ELFN2: variants seen among roughly 807,000 people sequenced by gnomAD.
The protein encoded by ELFN2 is protein phosphatase 1 regulatory subunit 29.
In ELFN2, 17 loss-of-function variants were observed where a neutral mutation model predicts 45.5. That is an observed-to-expected ratio of 0.37 (90% confidence interval 0.26 to 0.56). The LOEUF (loss-of-function observed/expected upper bound fraction) is 0.56. Among genes scored for constraint, ELFN2 ranks in the 20% least tolerant of loss-of-function variants. The pLI is 0.77. For missense variants in ELFN2, 922 were observed against 1,183.2 expected (o/e 0.78, Z 3.24); for synonymous variants, 550 against 551.5 (o/e 1.00, Z 0.04).
Position 37,362,379 on chromosome 22 carries a change from C to A in ELFN2, n.149-19676G>T, listed in dbSNP as rs186464756. Among the ~76,000 whole-genome samples the A allele has an allele frequency of 3.0e-3, 453 of 152,332 alleles. 4 individuals are homozygous for A. Among genetic ancestry groups the A allele is most frequent in the Non-Finnish European group, 5.3e-3 (363 of 68,026 alleles). On this transcript the variant is annotated intron_variant and non_coding_transcript_variant, in intron 1 of 2. Coordinates refer to ENST00000452946, the Ensembl canonical transcript of ELFN2. ...GACCACAGGAAGGCTCTCCCCGTTT[C>A]CAACCCTTATTTTGGGGGGCTCATT... is the stretch of plus-strand genomic sequence containing the variant.
Position 37,359,328 on chromosome 22 carries a change from T to C in ELFN2, n.149-16625A>G, listed in dbSNP as rs191129987. ...ACAAGGGGCTCGGCTTTGCCCTCAC[T>C]GGCCTGGTCCTTCTTGGGAGCCTTC... is the stretch of plus-strand genomic sequence containing the variant. On this transcript the variant is annotated intron_variant and non_coding_transcript_variant, in intron 1 of 2. Transcript: ENST00000452946. Among the ~76,000 whole-genome samples, 26 of 152,150 alleles carry C rather than the reference T, an allele frequency of 1.7e-4. 1 individual carries two copies. The highest frequency in any genetic ancestry group is 1.6e-3 in the Admixed American group (25 of 15,280).
At chr22:37,347,546 T>C (rs1601730766) in intron 1 of ELFN2, among the ~76,000 whole-genome samples, 1 of 152,048 alleles carries the variant, frequency 6.6e-6, no homozygotes, top group Non-Finnish European at 1.5e-5. Context: ...GGAATGTACC[T>C]GGGGCCTGCA....
intron 2 of ELFN2, among the ~76,000 whole-genome samples, chr22:37,397,191 G>T (rs541857316): frequency 6.6e-6 from 1 of 152,228 alleles, no homozygotes; most frequent in African/African-American, 2.4e-5. Context: ...AGCTCCAAGT[G>T]GCATCCCACT....
Position 37,375,485 on chromosome 22 carries a change from G to A in ELFN2, c.50C>T (p.Pro17Leu), listed in dbSNP as rs755148679. The change falls in exon 3 of 3, where the codon CCG becomes CTG. Residue 17 changes from proline (P) to leucine (L), a missense_variant. Pro to Leu is a moderately conservative substitution (Grantham distance 98, BLOSUM62 -3). Coordinates refer to ENST00000402918, the MANE Select transcript of ELFN2 (RefSeq NM_052906.5). ...CCAGCAGTCGGCACGCACGGCACCC[G>A]GCCGGCACACGCACAGCAGCGCCGC... ...CAAALLCVCR[P>L]GAVRADCWLI... 193 of 1,594,918 alleles carry A rather than the reference G, an allele frequency of 1.2e-4. No homozygotes were observed. The highest frequency in any genetic ancestry group is 1.5e-4 in the Non-Finnish European group (177 of 1,171,322).
chr22:37,357,060 C>T lies in ELFN2; in HGVS notation n.149-14357G>A, dbSNP rs556977561. On this transcript the variant is annotated intron_variant and non_coding_transcript_variant, in intron 1 of 2. Coordinates refer to ENST00000452946, the Ensembl canonical transcript of ELFN2. Reference sequence around the variant, plus strand: ...CAGCTCTACTCCATGGTTTTGGTCACGCAGACCCCTCCTCTTGTTACTTTG... The same window carrying T: ...CAGCTCTACTCCATGGTTTTGGTCATGCAGACCCCTCCTCTTGTTACTTTG... Among the ~76,000 whole-genome samples the T allele has an allele frequency of 8.5e-4, 130 of 152,288 alleles. 1 individual carries two copies. Among genetic ancestry groups the T allele is most frequent in the African/African-American group, 3.0e-3 (124 of 41,556 alleles).
chr22:37,422,755 G>A (rs757715165), intron 1 of ELFN2, among the ~76,000 whole-genome samples: 23 of 151,330 alleles, frequency 1.5e-4, no homozygotes, highest in Non-Finnish European at 2.7e-4. Context: ...CACGATGCCC[G>A]AATAATTTTT....
At position 37,375,724 on chromosome 22, in the gene ELFN2, C is replaced by T. The variant is rs1601747223; in HGVS notation, c.-190G>A. On this transcript the variant is annotated 5_prime_UTR_variant, in exon 3 of 3. In the 5' UTR this introduces an upstream ATG that the reference lacks. Transcript: ENST00000402918. ...ATCTTCTAGGGTGCTACAGCAGGCA[C>T]TAGGCCTGGCTAGGGCTGGGGGTGG... 4 of 670,646 alleles carry T rather than the reference C, an allele frequency of 6.0e-6. No individual in the cohort carries two copies. In the East Asian group the frequency reaches 8.7e-5, roughly 15 times the overall value. 41.5% of individuals were successfully genotyped at this position (670,646 alleles called of 1,614,324 possible).
chr22:37,412,292 A>AAAAAAAAAAG (rs57769146), intron 2 of ELFN2, among the ~76,000 whole-genome samples: 21 of 146,402 alleles, frequency 1.4e-4, no homozygotes, highest in African/African-American at 3.9e-4. Context: ...AAAAAAAAAA[A>AAAAAAAAAAG]AAAGAAAGAA....
chr22:37,422,658 A>G (rs1601774671), intron 1 of ELFN2, among the ~76,000 whole-genome samples: 1 of 152,226 alleles, frequency 6.6e-6, no homozygotes, highest in East Asian at 1.9e-4. Flanking sequence ...CAGTAGCACA[A>G]TCTCGGCTCA....
intron 1 of ELFN2, among the ~76,000 whole-genome samples, chr22:37,362,700 T>C (rs1214202378): frequency 1.3e-5 from 2 of 152,116 alleles, no homozygotes; most frequent in African/African-American, 4.8e-5. Context: ...CCAATTACTG[T>C]CTCTGAGTCT....
At chr22:37,366,966 G>A (rs1301890084), downstream of ELFN2, among the ~76,000 whole-genome samples, 1 of 152,214 alleles carries the variant, frequency 6.6e-6, no homozygotes, top group East Asian at 1.9e-4. Flanking sequence ...AGGCAGGGGG[G>A]CAGGAAAGCC....
downstream of ELFN2, among the ~76,000 whole-genome samples, chr22:37,366,707 C>T (rs548583673): frequency 1.3e-5 from 2 of 152,366 alleles, no homozygotes; most frequent in Non-Finnish European, 2.9e-5. Context: ...CACCGTCCTC[C>T]TCCTCCTCCC....
rs775547124 is a variant in ELFN2 at position 37,375,114 on chromosome 22, C to T, written c.421G>A (p.Val141Met). 1.2e-6 allele frequency: 2 copies of T among 1,613,848 alleles called. No individual in the cohort carries two copies. Among genetic ancestry groups the T allele is most frequent in the South Asian group, 1.1e-5 (1 of 91,086 alleles). Residue 141 changes from valine (V) to methionine (M), a missense_variant, in exon 3 of 3, where the codon GTG (valine) becomes ATG (methionine). By Grantham distance (21) the Val-to-Met change is conservative. Transcript: ENST00000402918. The part of the protein sequence containing the change: ...FLFVQHNLIE[V>M]VTPTAFSECP... ...TCGGAGAAGGCGGTGGGCGTCACCA[C>T]CTCGATGAGGTTGTGCTGGACAAAG...
downstream of ELFN2, among the ~76,000 whole-genome samples, chr22:37,367,601 T>C (rs570892027): frequency 1.3e-5 from 2 of 152,284 alleles, no homozygotes; most frequent in South Asian, 4.1e-4. Context: ...TGGCCCTGCC[T>C]CTCTGACAGG....
chr22:37,361,418 C>T (rs1238530732), intron 1 of ELFN2, among the ~76,000 whole-genome samples: 2 of 151,690 alleles, frequency 1.3e-5, no homozygotes, highest in African/African-American at 2.4e-5. Context: ...CCTGCCAGCC[C>T]CACTCAACTC....
chr22:37,403,088 C>A (rs1227482860), intron 2 of ELFN2, among the ~76,000 whole-genome samples: 1 of 152,102 alleles, frequency 6.6e-6, no homozygotes, highest in Admixed American at 6.5e-5. Context: ...CTACCAGCTA[C>A]ATCTTCCCCA....
chr22:37,352,799 G>A (rs1930854771), intron 1 of ELFN2, among the ~76,000 whole-genome samples: 1 of 150,814 alleles, frequency 6.6e-6, no homozygotes, highest in Non-Finnish European at 1.5e-5. Context: ...AGTTTGTGAT[G>A]CATTCTAAAT....
intron 2 of ELFN2, among the ~76,000 whole-genome samples, chr22:37,402,843 C>T (rs1212842858): frequency 6.6e-6 from 1 of 152,134 alleles, no homozygotes; most frequent in Non-Finnish European, 1.5e-5. Context: ...CCAGCCAACC[C>T]GAGGCATGCC....
chr22:37,401,955 G>C (rs1345401479), intron 2 of ELFN2, among the ~76,000 whole-genome samples: 1 of 152,142 alleles, frequency 6.6e-6, no homozygotes, highest in Non-Finnish European at 1.5e-5. Flanking sequence ...GCCTCAACCT[G>C]CCCCAGGGAG....
Sources: allele counts gnomAD v4.1 joint callset (sites outside exome capture counted in the v4.1 genomes callset), GRCh38; gene constraint gnomAD v4.1.1; transcripts MANE v1.5; gene names NCBI Gene and HGNC (gene_info 2026-07-23, HGNC 2026-07-21).